The following ADK variants were observed in gnomAD, a reference collection of about 807,000 sequenced individuals.
The protein encoded by ADK is N6,N6-dimethyladenosine kinase.
Under a neutral mutation model 44.7 loss-of-function variants are expected in ADK, and 24 were observed. The ratio of observed to expected loss-of-function variants is 0.54; its 90% CI spans 0.39 to 0.76. ADK has a LOEUF of 0.76. Ranked by LOEUF, ADK falls within the 30% of genes least tolerant of loss-of-function variation. The pLI, the probability that ADK is intolerant of heterozygous loss-of-function variation, is 0.00. For missense variants in ADK, 321 were observed against 425.1 expected (o/e 0.76, Z 2.15); for synonymous variants, 128 against 142.6 (o/e 0.90, Z 0.73).
chr10:74,633,675 A>G lies in ADK; in HGVS notation c.877+33182A>G, dbSNP rs1333291465. 3.3e-5 allele frequency among the ~76,000 whole-genome samples: 5 copies of G among 152,312 alleles called. No homozygotes were observed. The East Asian group carries it at 9.6e-4, about 29-fold the overall frequency. On this transcript the variant is annotated intron_variant, in intron 9 of 10. Coordinates refer to ENST00000539909, the MANE Select transcript of ADK (RefSeq NM_006721.4). The stretch of plus-strand genomic sequence containing the variant: ...AGCCCTTCTTCAGGTAGCAATTATA[A>G]CTCTTAACAAAATATTACAAAACCA...
intron 6 of ADK, chr10:74,506,113 C>T (rs1848063942): frequency 6.6e-6 from 1 of 152,586 alleles, no homozygotes; most frequent in Admixed American, 6.5e-5. Context: ...GACTTCAAGT[C>T]TTACTAGAGT....
chr10:74,415,932 C>T (rs1376213673), intron 6 of ADK, among the ~76,000 whole-genome samples: 1 of 151,482 alleles, frequency 6.6e-6, no homozygotes, highest in Non-Finnish European at 1.5e-5. Flanking sequence ...TTGCTCTTAC[C>T]TATTTCTCTA....
At chr10:74,580,623 C>G (rs928680871) in intron 7 of ADK, among the ~76,000 whole-genome samples, 1 of 151,652 alleles carries the variant, frequency 6.6e-6, no homozygotes, top group Admixed American at 6.6e-5. Context: ...CTCTCTTTGC[C>G]TGCTGTCATC....
intron 6 of ADK, among the ~76,000 whole-genome samples, chr10:74,466,380 T>A (rs975963097): frequency 6.6e-6 from 1 of 152,208 alleles, no homozygotes; most frequent in Non-Finnish European, 1.5e-5. Flanking sequence ...CTACTAAATC[T>A]GTTTTATTCT....
At chr10:74,345,273 G>C (rs75239803) in intron 4 of ADK, among the ~76,000 whole-genome samples, 1 of 148,956 alleles carries the variant, frequency 6.7e-6, no homozygotes, top group Non-Finnish European at 1.5e-5. Flanking sequence ...TAGCCACTTT[G>C]TCTTTCTTGT....
chr10:74,258,659 G>T (rs1290804047), intron 3 of ADK, among the ~76,000 whole-genome samples: 1 of 152,010 alleles, frequency 6.6e-6, no homozygotes, highest in Admixed American at 6.5e-5. Context: ...AAAATGAAGG[G>T]TCATAATCTA....
chr10:74,198,753 T>C (rs1010464342), intron 1 of ADK, among the ~76,000 whole-genome samples: 4 of 152,244 alleles, frequency 2.6e-5, no homozygotes, highest in Non-Finnish European at 1.5e-5. Flanking sequence ...CTTTCTTTTA[T>C]TTGGATTGGA....
intron 4 of ADK, among the ~76,000 whole-genome samples, chr10:74,387,623 G>A (rs2132025647): frequency 6.6e-6 from 1 of 152,212 alleles, no homozygotes; most frequent in African/African-American, 2.4e-5. Context: ...GTCTTTGGAG[G>A]CCTTTCCTGA....
chr10:74,346,226 GT>G lies in ADK; in HGVS notation c.273+31490del, dbSNP rs113843999. Among the ~76,000 whole-genome samples, 800 of 151,334 alleles carry G rather than the reference GT, an allele frequency of 5.3e-3. 12 individuals are homozygous for G. The highest frequency in any genetic ancestry group is 0.017 in the African/African-American group (720 of 41,246). The stretch of plus-strand genomic sequence containing the variant: ...GTTTTTTAATGAATCCAAAGTTCAT[GT>G]TTTTTTTTCTTCCCAATGCCATGGT... On this transcript the variant is annotated intron_variant, in intron 4 of 10. Coordinates refer to ENST00000539909, the MANE Select transcript of ADK (RefSeq NM_006721.4).
intron 10 of ADK, among the ~76,000 whole-genome samples, chr10:74,684,925 T>G (rs1032730853): frequency 6.6e-6 from 1 of 152,246 alleles, no homozygotes; most frequent in Non-Finnish European, 1.5e-5. Flanking sequence ...TTCTAAAATA[T>G]TCTAGCTTAC....
intron 9 of ADK, among the ~76,000 whole-genome samples, chr10:74,619,012 T>G (rs954290796): frequency 1.4e-5 from 2 of 139,382 alleles, no homozygotes; most frequent in South Asian, 2.3e-4. Flanking sequence ...TTTATGCTCT[T>G]TGTGTGTGTG....
At chr10:74,463,585 A>G (rs1846245987) in intron 6 of ADK, among the ~76,000 whole-genome samples, 2 of 152,200 alleles carry the variant, frequency 1.3e-5, no homozygotes, top group Admixed American at 6.6e-5. Flanking sequence ...TCACTTGCAC[A>G]TCTGGCACTC....
At chr10:74,408,159 T>G (rs377604888) in intron 6 of ADK, among the ~76,000 whole-genome samples, 160 of 151,594 alleles carry the variant, frequency 1.1e-3, no homozygotes, top group Middle Eastern at 3.4e-3. Flanking sequence ...TTTGTATTTT[T>G]TTTTTTTTTT....
chr10:74,649,804 G>A (rs1273214329), intron 9 of ADK, among the ~76,000 whole-genome samples: 1 of 152,094 alleles, frequency 6.6e-6, no homozygotes, highest in African/African-American at 2.4e-5. Context: ...GGAAATGCTA[G>A]ATAAGATGTT....
intron 4 of ADK, among the ~76,000 whole-genome samples, chr10:74,328,356 A>G (rs1841090417): frequency 6.6e-6 from 1 of 150,846 alleles, no homozygotes; most frequent in Non-Finnish European, 1.5e-5. Context: ...TGCTTACAAT[A>G]GGCCGAATAG....
At chr10:74,390,206 G>A (rs1011342694) in intron 4 of ADK, among the ~76,000 whole-genome samples, 7 of 151,932 alleles carry the variant, frequency 4.6e-5, no homozygotes, top group Non-Finnish European at 7.4e-5. Context: ...GAAATTCTCT[G>A]TTAAATTTAT....
At chr10:74,553,561 A>G (rs1300079951) in intron 7 of ADK, among the ~76,000 whole-genome samples, 1 of 152,244 alleles carries the variant, frequency 6.6e-6, no homozygotes, top group Non-Finnish European at 1.5e-5. Flanking sequence ...ACTACCCCCA[A>G]CTACATGGAT....
chr10:74,224,325 A>G (rs1281837307), intron 2 of ADK, among the ~76,000 whole-genome samples: 2 of 152,210 alleles, frequency 1.3e-5, no homozygotes, highest in Non-Finnish European at 2.9e-5. Context: ...TCTTCAAAGC[A>G]TTGTTAAGGT....
intron 7 of ADK, among the ~76,000 whole-genome samples, chr10:74,542,963 C>G (rs1335183015): frequency 6.6e-6 from 1 of 151,610 alleles, no homozygotes; most frequent in African/African-American, 2.4e-5. Context: ...TGCAGTGGTG[C>G]GATCTCGGCT....
Sources: gnomAD v4.1 joint callset for allele counts (sites outside exome capture counted in the v4.1 genomes callset) on GRCh38, gnomAD v4.1.1 for gene constraint, MANE v1.5 for transcripts, NCBI Gene and HGNC (gene_info 2026-07-23, HGNC 2026-07-21) for gene names.